Variants in BMP6 observed in about 807,000 individuals in gnomAD.
BMP6 encodes VG-1-R.
BMP6 carries 17 observed loss-of-function variants against 54.1 expected under a neutral mutation model. The ratio of observed to expected loss-of-function variants is 0.31; its 90% CI spans 0.22 to 0.47. The LOEUF (loss-of-function observed/expected upper bound fraction) is 0.47, where lower values mean the gene tolerates loss of function less well. Ranked by LOEUF, BMP6 falls within the 20% of genes least tolerant of loss-of-function variation. The pLI is 1.00. For synonymous variants in BMP6, 328 were observed against 291.2 expected (o/e 1.13, Z -1.28); for missense variants, 720 against 690.4 (o/e 1.04, Z -0.48).
At chr6:7,739,895 C>A (rs1241471132) in intron 1 of BMP6, among the ~76,000 whole-genome samples, 3 of 152,160 alleles carry the variant, frequency 2.0e-5, no homozygotes, top group Non-Finnish European at 4.4e-5. Flanking sequence ...TCTAAAAAAT[C>A]CTCTCCTTAG....
chr6:7,868,794 C>T (rs936555793), intron 4 of BMP6, among the ~76,000 whole-genome samples: 1 of 152,206 alleles, frequency 6.6e-6, no homozygotes, highest in Non-Finnish European at 1.5e-5. Context: ...GCAGGGCCTG[C>T]GGGGTCAGCC....
At chr6:7,852,660 G>C (rs1402476154) in intron 2 of BMP6, among the ~76,000 whole-genome samples, 1 of 152,168 alleles carries the variant, frequency 6.6e-6, no homozygotes, top group East Asian at 1.9e-4. Flanking sequence ...CCTCTTCCTT[G>C]GTGGACTCTG....
chr6:7,803,810 G>A (rs1758307737), intron 1 of BMP6, among the ~76,000 whole-genome samples: 1 of 151,754 alleles, frequency 6.6e-6, no homozygotes. Context: ...TGTTTAATTG[G>A]CCATGCTTTT....
Position 7,726,855 on chromosome 6 carries a change from G to A in BMP6, c.-101G>A. ...GGGGAAGCGAGCCCGCCGAGAGGTGGCGGGGACTGCTCACGCCAAGGGCCA... is the reference window on the plus strand; with the variant it reads ...GGGGAAGCGAGCCCGCCGAGAGGTGACGGGGACTGCTCACGCCAAGGGCCA... On this transcript the variant is annotated 5_prime_UTR_variant, in exon 1 of 7. Coordinates refer to ENST00000283147, the MANE Select transcript of BMP6 (RefSeq NM_001718.6). 1 of 699,762 alleles carries A rather than the reference G, an allele frequency of 1.4e-6. No homozygotes were observed. The highest frequency in any genetic ancestry group is 1.8e-6 in the Non-Finnish European group (1 of 558,282). 43.3% of individuals were successfully genotyped at this position (699,762 alleles called of 1,614,324 possible). A position where few individuals can be genotyped will look rare whatever the true frequency, so the allele number is the denominator to read the frequency against.
At chr6:7,743,898 C>A (rs971488404) in intron 1 of BMP6, among the ~76,000 whole-genome samples, 1 of 152,218 alleles carries the variant, frequency 6.6e-6, no homozygotes, top group East Asian at 1.9e-4. Flanking sequence ...ACAATGAATT[C>A]CTGTCTTCCT....
chr6:7,868,527 G>A (rs1759466367), intron 4 of BMP6, among the ~76,000 whole-genome samples: 1 of 152,254 alleles, frequency 6.6e-6, no homozygotes, highest in Non-Finnish European at 1.5e-5. Flanking sequence ...GGAAAGAGCG[G>A]CCAGGCCCAT....
At chr6:7,774,034 C>T (rs554049587) in intron 1 of BMP6, among the ~76,000 whole-genome samples, 2 of 152,286 alleles carry the variant, frequency 1.3e-5, no homozygotes, top group East Asian at 1.9e-4. Flanking sequence ...CCTCACCTGC[C>T]GGAGGAGGTA....
chr6:7,862,544 C>T, intron 4 of BMP6, 46 bp downstream of exon 4: 3 of 1,605,732 alleles, frequency 1.9e-6, no homozygotes, highest in Non-Finnish European at 2.6e-6. Flanking sequence ...TTGTTGGCCT[C>T]AGTGAGAACA....
intron 1 of BMP6, among the ~76,000 whole-genome samples, chr6:7,751,510 A>G (rs1757425258): frequency 1.3e-5 from 2 of 152,230 alleles, no homozygotes; most frequent in African/African-American, 4.8e-5. Flanking sequence ...AGTGCAGCAG[A>G]TATTTCAGAG....
chr6:7,786,460 GTTTTTTTTTTTT>G (rs35750746), intron 1 of BMP6, among the ~76,000 whole-genome samples: 1 of 135,150 alleles, frequency 7.4e-6, no homozygotes, highest in South Asian at 2.5e-4. Flanking sequence ...TCTTTAGTCT[GTTTTTTTTTTTT>G]TTTTTTTTTA....
rs112535553 is a variant in BMP6, at chr6:7,753,064, T to TAA, written c.664+25454_664+25455dup. Among the ~76,000 whole-genome samples, 790 of 149,624 alleles carry TAA rather than the reference T, an allele frequency of 5.3e-3. 11 individuals carry two copies. Among genetic ancestry groups the TAA allele is most frequent in the African/African-American group, 0.018 (745 of 40,954 alleles). ...ATAATGGTAAGAGCAATGCTGATGT[T>TAA]AAAAAAAAAATACTGGTTGGAGTCC... On this transcript the variant is annotated intron_variant, in intron 1 of 6. Coordinates refer to ENST00000283147, the MANE Select transcript of BMP6 (RefSeq NM_001718.6).
chr6:7,817,613 T>C (rs267804), intron 1 of BMP6, among the ~76,000 whole-genome samples: 11,382 of 150,450 alleles, frequency 0.076, 886 homozygotes, highest in East Asian at 0.34. Flanking sequence ...TTAGGAGATA[T>C]ACCTAATGTA....
In BMP6 at chr6:7,845,178, C is replaced by T. The variant is rs1759042274; in HGVS notation, c.703C>T (p.His235Tyr). 3 of 1,614,016 alleles carry T rather than the reference C, an allele frequency of 1.9e-6. No individual in the cohort carries two copies. The highest frequency in any genetic ancestry group is 1.3e-5 in the African/African-American group (1 of 75,020). ...GGAGTTCTCCCCTCGTCAGCGACAC[C>T]ACAAAGAGTTCAAGTTCAACTTATC... ...DKEFSPRQRH[H>Y]KEFKFNLSQI... The change falls in exon 2 of 7, where the codon CAC becomes TAC. Residue 235 changes from histidine to tyrosine, a missense_variant. Physicochemically the swap from His to Tyr is moderately conservative, Grantham distance 83. Coordinates refer to ENST00000283147, the MANE Select transcript of BMP6 (RefSeq NM_001718.6).
chr6:7,858,282 G>A (rs576343020), intron 2 of BMP6, among the ~76,000 whole-genome samples: 8 of 151,940 alleles, frequency 5.3e-5, no homozygotes, highest in African/African-American at 1.9e-4. Flanking sequence ...GTAGGGTTTC[G>A]CCATGTTTCC....
At chr6:7,835,749 C>CT (rs879326315) in intron 1 of BMP6, among the ~76,000 whole-genome samples, 2 of 152,188 alleles carry the variant, frequency 1.3e-5, no homozygotes, top group Non-Finnish European at 2.9e-5. Flanking sequence ...GACTGAAGTG[C>CT]CTGAGTGTGC....
intron 1 of BMP6, among the ~76,000 whole-genome samples, chr6:7,743,194 G>T (rs1247493241): frequency 3.3e-5 from 5 of 152,174 alleles, no homozygotes; most frequent in African/African-American, 1.2e-4. Flanking sequence ...ATAGAGGAAG[G>T]TGTATTCTAT....
intron 1 of BMP6, among the ~76,000 whole-genome samples, chr6:7,807,913 CTT>C (rs755894743): frequency 2.1e-3 from 170 of 81,450 alleles, no homozygotes; most frequent in African/African-American, 7.0e-3. Context: ...GAAGTCTTTA[CTT>C]TTTTTTTTTT....
chr6:7,759,708 TTTTTTTTTTTTTG>T (rs1757582230), intron 1 of BMP6, among the ~76,000 whole-genome samples: 1 of 133,656 alleles, frequency 7.5e-6, no homozygotes, highest in African/African-American at 2.9e-5. Flanking sequence ...TTTTTTTTTT[TTTTTTTTTTTTTG>T]GAGACTGAAT....
At chr6:7,800,836 T>C (rs1204969460) in intron 1 of BMP6, among the ~76,000 whole-genome samples, 1 of 150,230 alleles carries the variant, frequency 6.7e-6, no homozygotes, top group Non-Finnish European at 1.5e-5. Context: ...TTTCTAGGGT[T>C]CTAGGGCCAA....
Sources: allele counts gnomAD v4.1 joint callset (sites outside exome capture counted in the v4.1 genomes callset), GRCh38; gene constraint gnomAD v4.1.1; transcripts MANE v1.5; gene names NCBI Gene and HGNC (gene_info 2026-07-23, HGNC 2026-07-21).